The following SLC10A3 variants were observed in gnomAD, a reference collection of about 807,000 sequenced individuals.
SLC10A3 encodes the protein P3 protein.
Under a neutral mutation model 1.9 loss-of-function variants are expected in SLC10A3, and 1 was observed. The observed-to-expected ratio is 0.52, with a 90% confidence interval of 0.19 to 2.48. The LOEUF is 2.48. Ranked by LOEUF, SLC10A3 falls within the 30% of genes most tolerant of loss-of-function variation. The pLI is 0.25. For missense variants in SLC10A3, 317 were observed against 398.5 expected (o/e 0.80, Z 1.74); for synonymous variants, 202 against 189.3 (o/e 1.07, Z -0.55).
chrX:154,487,849 CAGG>C lies in SLC10A3; in HGVS notation c.1089_1091del (p.Leu364del). ...TGCGATAGGCCAGGAAGAGGCCGCC[CAGG>C]AGGAGCACAAAGCTGAAGGGCTTGA... On this transcript the variant is annotated inframe_deletion, in exon 2 of 2. Transcript: ENST00000651600. 8.3e-7 allele frequency: 1 copy of C among 1,211,289 alleles called. No homozygotes were observed. The highest frequency in any genetic ancestry group is 1.1e-6 in the Non-Finnish European group (1 of 895,551).
rs1224421165 is a variant in SLC10A3 at position 154,490,520 on chromosome X, C to T, written c.-356G>A. The T allele has an allele frequency of 1.8e-5, 4 of 219,786 alleles. No individual in the cohort carries two copies. Among genetic ancestry groups the T allele is most frequent in the Non-Finnish European group, 2.6e-5 (4 of 151,560 alleles). The allele number at this position is 219,786 out of a possible 1,213,427, so 18.1% of individuals were successfully genotyped here. On this transcript the variant is annotated 5_prime_UTR_variant, in exon 1 of 2. Coordinates refer to ENST00000651600, the MANE Select transcript of SLC10A3 (RefSeq NM_019848.5). ...GGCGGCGGCCCTTCCCTGCCAGGCC[C>T]GGCCGGGCGCCCGAGTGGGCGATCG... is the stretch of plus-strand genomic sequence containing the variant.
In SLC10A3 at chrX:154,487,675, C is replaced by G. The variant is rs781839861; in HGVS notation, c.1266G>C (p.Gly422=). Reference sequence around the variant, plus strand: ...CCAAGGCCAGCAGGCTGTTCTGCACCCCTACCTCAATGCTGACCGTCCGCC... The same window carrying G: ...CCAAGGCCAGCAGGCTGTTCTGCACGCCTACCTCAATGCTGACCGTCCGCC... ...AQRRTVSIEV[G]VQNSLLALAM... Residue 422 remains glycine, a synonymous_variant, in exon 2 of 2, where the codon GGG becomes GGC. Coordinates refer to ENST00000651600, the MANE Select transcript of SLC10A3 (RefSeq NM_019848.5). The G allele has an allele frequency of 6.6e-6, 8 of 1,208,504 alleles. No individual in the cohort carries two copies. Among genetic ancestry groups the G allele is most frequent in the South Asian group, 1.8e-5 (1 of 56,661 alleles).
chrX:154,489,187 C>A, intron 1 of SLC10A3, 105 bp from the exon 2 acceptor site: 4 of 1,137,911 alleles, frequency 3.5e-6, no homozygotes, highest in East Asian at 3.3e-5. Flanking sequence ...CAGTCAAGAA[C>A]CCAGGAGCAT....
In SLC10A3 at chrX:154,488,003, T is replaced by C. The variant is rs781834939; in HGVS notation, c.938A>G (p.His313Arg). Residue 313 changes from histidine to arginine, a missense_variant, in exon 2 of 2, where the codon CAT (histidine) becomes CGT (arginine). Physicochemically the swap from His to Arg is conservative, Grantham distance 29. Coordinates refer to ENST00000651600, the MANE Select transcript of SLC10A3 (RefSeq NM_019848.5). ...GGAGATGGGCACGTGGAGCGTCTCA[T>C]GGATGCTGAGCAGGCGGCTGTAGAT... ...SAIYSRLLSI[H>R]ETLHVPISKI... The C allele has an allele frequency of 7.4e-6, 9 of 1,209,310 alleles. No individual in the cohort carries two copies. In the African/African-American group the frequency reaches 1.4e-4, roughly 19 times the overall value.
chrX:154,489,460 G>A (rs145599179), intron 1 of SLC10A3: 14,435 of 752,563 alleles, frequency 0.019, 136 homozygotes, highest in Admixed American at 0.07. Context: ...TCCTCCTTTT[G>A]TCAGAGCTCC....
At chrX:154,489,543 C>A (rs2069357413) in intron 1 of SLC10A3, 2 of 754,565 alleles carry the variant, frequency 2.7e-6, no homozygotes, top group Non-Finnish European at 3.1e-6. Flanking sequence ...GTGCAGGGCT[C>A]CTTCCCATGC....
At chrX:154,489,609 G>A (rs947950798) in intron 1 of SLC10A3, 30 of 752,238 alleles carry the variant, frequency 4.0e-5, no homozygotes, top group African/African-American at 1.2e-4. Flanking sequence ...TGTTTCTAGC[G>A]GCCAGCAACA....
rs1557213540 is a variant in SLC10A3 at position 154,488,026 on chromosome X, G to A, written c.915C>T (p.Ile305=). 5 of 1,209,868 alleles carry A rather than the reference G, an allele frequency of 4.1e-6. No individual in the cohort carries two copies. Among genetic ancestry groups the A allele is most frequent in the Non-Finnish European group, 5.6e-6 (5 of 895,215 alleles). The stretch of plus-strand genomic sequence containing the variant: ...CATGGATGCTGAGCAGGCGGCTGTA[G>A]ATGGCCGAAGACAGAGGCAAGAAGC... ...ATGFLPLSSA[I]YSRLLSIHET... The change falls in exon 2 of 2, where the codon ATC becomes ATT. Residue 305 remains isoleucine (I), a synonymous_variant. Coordinates refer to ENST00000651600, the MANE Select transcript of SLC10A3 (RefSeq NM_019848.5).
intron 1 of SLC10A3, chrX:154,489,418 A>G: frequency 1.3e-6 from 1 of 754,546 alleles, no homozygotes; most frequent in Non-Finnish European, 1.6e-6. Flanking sequence ...GGAGTGGATC[A>G]GACAGAGCCA....
chrX:154,489,322 C>T (rs1557214153), intron 1 of SLC10A3: 1 of 753,306 alleles, frequency 1.3e-6, no homozygotes, highest in Admixed American at 8.7e-5. Context: ...CCCTGGCCCA[C>T]TCTACCTGCC....
Position 154,487,929 on chromosome X carries a change from C to T in SLC10A3, c.1012G>A (p.Val338Met), listed in dbSNP as rs782242111. 4 of 1,209,833 alleles carry T rather than the reference C, an allele frequency of 3.3e-6. No homozygotes were observed. In the African/African-American group the frequency reaches 5.2e-5, roughly 16 times the overall value. Residue 338 changes from valine to methionine, a missense_variant, in exon 2 of 2, where the codon GTG (valine) becomes ATG (methionine). Coordinates refer to ENST00000651600, the MANE Select transcript of SLC10A3 (RefSeq NM_019848.5). ...LFIAIPIAVG[V>M]LIKSKLPKFS... The stretch of plus-strand genomic sequence containing the variant: ...TTGGGGAGCTTGGACTTGATCAGCA[C>T]GCCCACGGCTATGGGGATGGCAATG...
intron 1 of SLC10A3, 174 bp downstream of exon 1, chrX:154,490,133 G>A (rs1273125791): frequency 2.1e-6 from 2 of 936,082 alleles, no homozygotes; most frequent in African/African-American, 4.1e-5. Context: ...CAGTAGGGCT[G>A]GCGGCTCTGA....
Position 154,488,542 on chromosome X carries a change from C to T in SLC10A3, c.399G>A (p.Val133=). ...ITWGGGGGFV[V]SIHSGLAGLA... ...GCCCAGCCAGGCCTGAGTGGATGCT[C>T]ACCACAAAGCCACCCCCGCCTCCCC... Residue 133 remains valine (V), a synonymous_variant, in exon 2 of 2, where the codon GTG becomes GTA. Coordinates refer to ENST00000651600, the MANE Select transcript of SLC10A3 (RefSeq NM_019848.5). The T allele has an allele frequency of 1.7e-6, 2 of 1,210,133 alleles. No homozygotes were observed. The highest frequency in any genetic ancestry group is 1.8e-5 in the South Asian group (1 of 56,917).
In SLC10A3 at chrX:154,490,295, G is replaced by C; in HGVS notation, c.-143+12C>G. On this transcript the variant is annotated intron_variant, in intron 1 of 1. Transcript: ENST00000651600. ...GGGGTAACTGGCAGTGCTAACAGGG[G>C]CTCCTCCCTACCTGGGAGTCCGGAA... 1 of 805,392 alleles carries C rather than the reference G, an allele frequency of 1.2e-6. No homozygotes were observed. Among genetic ancestry groups the C allele is most frequent in the Non-Finnish European group, 1.5e-6 (1 of 672,350 alleles). The allele number at this position is 805,392 out of a possible 1,213,427, so 66.4% of individuals were successfully genotyped here.
intron 1 of SLC10A3, chrX:154,490,098 C>A: frequency 1.1e-6 from 1 of 952,084 alleles, no homozygotes; most frequent in East Asian, 4.2e-5. Context: ...AGGCTAGGGG[C>A]CATCCACCCC....
chrX:154,488,302 G>T lies in SLC10A3; in HGVS notation c.639C>A (p.Leu213=). The T allele has an allele frequency of 1.7e-6, 2 of 1,211,231 alleles. No homozygotes were observed. Among genetic ancestry groups the T allele is most frequent in the Non-Finnish European group, 2.2e-6 (2 of 895,327 alleles). Residue 213 remains leucine (L), a synonymous_variant, in exon 2 of 2, where the codon CTC becomes CTA. Coordinates refer to ENST00000651600, the MANE Select transcript of SLC10A3 (RefSeq NM_019848.5). Reference sequence around the variant, plus strand: ...TCTGCATGAGCCCCTTCAGAACCTCGAGTTCCACTTTGCACCCAAACGAAC... The same window carrying T: ...TCTGCATGAGCCCCTTCAGAACCTCTAGTTCCACTTTGCACCCAAACGAAC... ...NKCSFGCKVE[L]EVLKGLMQSP...
At chrX:154,489,434 C>G (rs2069355584) in intron 1 of SLC10A3, 1 of 752,734 alleles carries the variant, frequency 1.3e-6, no homozygotes, top group African/African-American at 2.3e-5. Context: ...AGCCACATGT[C>G]TACTGGGGGG....
chrX:154,489,184 G>GA, intron 1 of SLC10A3, 102 bp from the exon 2 acceptor site: 5 of 1,139,574 alleles, frequency 4.4e-6, no homozygotes, highest in East Asian at 3.3e-5. Context: ...AGGCAGTCAA[G>GA]AACCCAGGAG....
chrX:154,488,193 G>T lies in SLC10A3; in HGVS notation c.748C>A (p.Leu250Met), dbSNP rs1557213636. The T allele has an allele frequency of 8.3e-7, 1 of 1,211,585 alleles. No homozygotes were observed. The highest frequency in any genetic ancestry group is 3.0e-5 in the East Asian group (1 of 33,860). Reference sequence around the variant, plus strand: ...AGGCCCAGAGCCAGGGCCTTGGGCAGCATGAAGACCTTGGCCATGAGGAAA... The same window carrying T: ...AGGCCCAGAGCCAGGGCCTTGGGCATCATGAAGACCTTGGCCATGAGGAAA... ...YAFLMAKVFM[L>M]PKALALGLII... Residue 250 changes from leucine (L) to methionine (M), a missense_variant, in exon 2 of 2, where the codon CTG becomes ATG. By Grantham distance (15) the Leu-to-Met change is conservative (BLOSUM62 2). Coordinates refer to ENST00000651600, the MANE Select transcript of SLC10A3 (RefSeq NM_019848.5).
Sources: allele counts gnomAD v4.1 joint callset, GRCh38; gene constraint gnomAD v4.1.1; transcripts MANE v1.5; gene names NCBI Gene and HGNC (gene_info 2026-07-23, HGNC 2026-07-21).